The following GRIN2B variants were observed in gnomAD, a reference collection of about 807,000 sequenced individuals.
GRIN2B encodes the protein glutamate ionotropic receptor NMDA type subunit 2B, also known as glutamate receptor ionotropic, NMDA 2B.
GRIN2B carries 5 observed loss-of-function variants against 114.5 expected under a neutral mutation model. That is an observed-to-expected ratio of 0.04 (90% CI 0.02 to 0.09). The LOEUF is 0.09. Among genes scored for constraint, GRIN2B ranks in the 10% least tolerant of loss-of-function variants. The pLI is 1.00. For synonymous variants in GRIN2B, 787 were observed against 745.1 expected (o/e 1.06, Z -0.92); for missense variants, 1,108 against 1,943.5 (o/e 0.57, Z 8.08).
At chr12:13,931,384 C>A (rs1867027927) in intron 2 of GRIN2B, among the ~76,000 whole-genome samples, 2 of 152,170 alleles carry the variant, frequency 1.3e-5, no homozygotes, top group African/African-American at 2.4e-5. Flanking sequence ...TTTCTAGGTT[C>A]AATAACACTT....
chr12:13,746,049 T>TGTGC lies in GRIN2B; in HGVS notation c.1010+7267_1010+7268insGCAC, dbSNP rs1345178289. On this transcript the variant is annotated intron_variant, in intron 4 of 13. Transcript: ENST00000609686. ...ACAAAAAAAATTTTTTAAATATAAT[T>TGTGC]TATACAGTATATCAGATATGTGCTA... Among the ~76,000 whole-genome samples, 226 of 152,048 alleles carry TGTGC rather than the reference T, an allele frequency of 1.5e-3. 2 individuals carry two copies. The highest frequency in any genetic ancestry group is 5.3e-3 in the African/African-American group (219 of 41,492).
intron 4 of GRIN2B, among the ~76,000 whole-genome samples, chr12:13,707,839 A>G (rs930408890): frequency 2.0e-5 from 3 of 152,132 alleles, no homozygotes; most frequent in Non-Finnish European, 4.4e-5. Flanking sequence ...AAAGCAACAA[A>G]TCTCTTTGAG....
chr12:13,762,255 G>A (rs149562054), intron 3 of GRIN2B, among the ~76,000 whole-genome samples: 5,879 of 152,094 alleles, frequency 0.039, 364 homozygotes, highest in African/African-American at 0.14. Context: ...CTCCCACCTC[G>A]GCCTCCCAAA....
At chr12:13,831,415 C>T (rs2160734) in intron 3 of GRIN2B, among the ~76,000 whole-genome samples, 74,903 of 151,892 alleles carry the variant, frequency 0.49, 18,743 homozygotes, top group Middle Eastern at 0.57. Flanking sequence ...TGTTTATTAA[C>T]TGCTGGTGAT....
At chr12:13,938,495 A>T (rs989681379) in intron 2 of GRIN2B, among the ~76,000 whole-genome samples, 2 of 152,328 alleles carry the variant, frequency 1.3e-5, no homozygotes, top group East Asian at 1.9e-4. Flanking sequence ...ACTGGAAATG[A>T]TCCACTTGTC....
intron 3 of GRIN2B, among the ~76,000 whole-genome samples, chr12:13,862,802 A>G: frequency 6.6e-6 from 1 of 152,116 alleles, no homozygotes; most frequent in South Asian, 2.1e-4. Context: ...AAGCCCCCAA[A>G]CATTCCTCTG....
chr12:13,618,142 C>T (rs1419475633), intron 5 of GRIN2B, among the ~76,000 whole-genome samples: 1 of 152,176 alleles, frequency 6.6e-6, no homozygotes, highest in Non-Finnish European at 1.5e-5. Flanking sequence ...CGTTTTTTCT[C>T]ATATTGCTAA....
intron 2 of GRIN2B, among the ~76,000 whole-genome samples, chr12:13,894,884 T>C (rs917423139): frequency 2.0e-5 from 3 of 152,158 alleles, no homozygotes; most frequent in African/African-American, 7.2e-5. Flanking sequence ...AGTGCCTAAA[T>C]CTGTCTAGGG....
chr12:13,680,436 T>TTGTGTGTGTGTGTGTG (rs56755720), intron 4 of GRIN2B, among the ~76,000 whole-genome samples: 80 of 123,568 alleles, frequency 6.5e-4, no homozygotes, highest in Admixed American at 2.8e-3. Flanking sequence ...CCCATCAAGG[T>TTGTGTGTGTGTGTGTG]TGTGTGTGTG....
chr12:13,866,779 T>C (rs1865835400), intron 2 of GRIN2B, among the ~76,000 whole-genome samples: 1 of 152,254 alleles, frequency 6.6e-6, no homozygotes, highest in South Asian at 2.1e-4. Flanking sequence ...ACCTTGTTAG[T>C]ATCTGGCTCT....
At chr12:13,742,610 T>C (rs755956792) in intron 4 of GRIN2B, among the ~76,000 whole-genome samples, 1 of 152,108 alleles carries the variant, frequency 6.6e-6, no homozygotes, top group Non-Finnish European at 1.5e-5. Context: ...TTTGTATTTT[T>C]AGTAGAGATG....
chr12:13,599,516 G>A (rs778496214), intron 10 of GRIN2B, among the ~76,000 whole-genome samples: 19 of 152,144 alleles, frequency 1.2e-4, no homozygotes, highest in Admixed American at 4.6e-4. Flanking sequence ...CAAAGGACTC[G>A]AACTTAGTTG....
chr12:13,837,853 G>T (rs1293246854), intron 3 of GRIN2B, among the ~76,000 whole-genome samples: 5 of 152,062 alleles, frequency 3.3e-5, no homozygotes, highest in Non-Finnish European at 5.9e-5. Context: ...GGAGAGGAAG[G>T]GGTTATAGCT....
At chr12:13,919,608 A>T (rs1318888238) in intron 2 of GRIN2B, among the ~76,000 whole-genome samples, 1 of 152,204 alleles carries the variant, frequency 6.6e-6, no homozygotes, top group Non-Finnish European at 1.5e-5. Context: ...GCAGTCTTTT[A>T]AGACCGTGCA....
chr12:13,565,444 T>G (rs1263075580), intron 13 of GRIN2B, among the ~76,000 whole-genome samples: 1 of 152,210 alleles, frequency 6.6e-6, no homozygotes, highest in African/African-American at 2.4e-5. Flanking sequence ...TTATCATCAA[T>G]AATTAACATC....
intron 3 of GRIN2B, among the ~76,000 whole-genome samples, chr12:13,761,736 A>G (rs1346081404): frequency 6.6e-6 from 1 of 152,224 alleles, no homozygotes; most frequent in Non-Finnish European, 1.5e-5. Flanking sequence ...TGACAAGTTC[A>G]GCAACAATCA....
chr12:13,904,906 T>C (rs1449638645), intron 2 of GRIN2B, among the ~76,000 whole-genome samples: 1 of 152,152 alleles, frequency 6.6e-6, no homozygotes, highest in Non-Finnish European at 1.5e-5. Context: ...AATATTATGA[T>C]ATAATTTTGA....
intron 2 of GRIN2B, among the ~76,000 whole-genome samples, chr12:13,877,175 G>A (rs1262079624): frequency 6.6e-6 from 1 of 152,080 alleles, no homozygotes; most frequent in African/African-American, 2.4e-5. Context: ...CTTTCCCTTG[G>A]TCTCTGAGCT....
intron 10 of GRIN2B, among the ~76,000 whole-genome samples, chr12:13,590,708 T>TA (rs1948998433): frequency 6.6e-6 from 1 of 152,200 alleles, no homozygotes. Context: ...GCAATAAACA[T>TA]ATGTGTGCAT....
Sources: allele counts gnomAD v4.1 joint callset (sites outside exome capture counted in the v4.1 genomes callset), GRCh38; gene constraint gnomAD v4.1.1; transcripts MANE v1.5; gene names NCBI Gene and HGNC (gene_info 2026-07-23, HGNC 2026-07-21).